The following HMGN5 variants were observed in gnomAD, a reference collection of about 807,000 sequenced individuals.
The protein encoded by HMGN5 is high mobility group nucleosome-binding domain-containing protein 5.
HMGN5 carries 4 observed loss-of-function variants against 9.5 expected under a neutral mutation model. The ratio of observed to expected loss-of-function variants is 0.42; its 90% CI spans 0.21 to 0.96. The LOEUF is 0.96. Ranked by LOEUF, HMGN5 falls within the 40% of genes least tolerant of loss-of-function variation. HMGN5 has a pLI of 0.30. For synonymous variants in HMGN5, 55 were observed against 57.1 expected, an observed-to-expected ratio of 0.96 and a Z score of 0.16; for missense variants, 192 against 187.5, an observed-to-expected ratio of 1.02 and a Z score of -0.14.
chrX:81,120,245 A>G (rs2075265095), intron 2 of HMGN5, among the ~76,000 whole-genome samples: 1 of 111,589 alleles, frequency 9.0e-6, no homozygotes, highest in African/African-American at 3.3e-5. Context: ...CTGATTCTGG[A>G]CTATTTTCTC....
intron 1 of HMGN5, among the ~76,000 whole-genome samples, chrX:81,145,936 C>A (rs751169717): frequency 1.8e-5 from 2 of 111,497 alleles, no homozygotes; most frequent in East Asian, 5.7e-4. Context: ...GGGATAAATG[C>A]AACAAGAAGA....
intron 1 of HMGN5, among the ~76,000 whole-genome samples, chrX:81,146,035 T>C (rs1453047000): frequency 9.0e-6 from 1 of 110,814 alleles, no homozygotes; most frequent in Non-Finnish European, 1.9e-5. Flanking sequence ...AGACTTAGAC[T>C]CTCACACAAT....
At chrX:81,118,632 A>C (rs2075260796) in intron 4 of HMGN5, 98 bp downstream of exon 4, 1 of 892,173 alleles carries the variant, frequency 1.1e-6, no homozygotes, top group Admixed American at 3.2e-5. Flanking sequence ...TTTTCTTAAA[A>C]CTTCAAAAAT....
chrX:81,138,995 A>G (rs1324711582), intron 1 of HMGN5, among the ~76,000 whole-genome samples: 1 of 112,223 alleles, frequency 8.9e-6, no homozygotes, highest in Non-Finnish European at 1.9e-5. Flanking sequence ...GGAGAGACAT[A>G]TCACGCTCAC....
chrX:81,153,196 C>G (rs910863001), intron 1 of HMGN5, among the ~76,000 whole-genome samples: 1 of 108,193 alleles, frequency 9.2e-6, no homozygotes, highest in Non-Finnish European at 1.9e-5. Flanking sequence ...AGGCCAATAT[C>G]TCTCTTGAAT....
chrX:81,164,800 T>C (rs779766778), intron 1 of HMGN5, among the ~76,000 whole-genome samples: 83 of 111,442 alleles, frequency 7.4e-4, no homozygotes, highest in Non-Finnish European at 3.2e-4. Flanking sequence ...AAGTAAAGCC[T>C]TCTGTAACCC....
At chrX:81,166,369 T>C (rs2075411373) in intron 1 of HMGN5, among the ~76,000 whole-genome samples, 1 of 111,784 alleles carries the variant, frequency 8.9e-6, no homozygotes, top group Non-Finnish European at 1.9e-5. Flanking sequence ...TTACTACATA[T>C]GTATACTTTC....
chrX:81,142,295 G>T (rs1037630470), intron 1 of HMGN5, among the ~76,000 whole-genome samples: 6 of 111,442 alleles, frequency 5.4e-5, no homozygotes, highest in African/African-American at 2.0e-4. Flanking sequence ...GTAGAAAATT[G>T]ATTCAAAGGG....
intron 1 of HMGN5, among the ~76,000 whole-genome samples, chrX:81,152,130 C>T (rs2075364735): frequency 9.0e-6 from 1 of 111,318 alleles, no homozygotes; most frequent in Non-Finnish European, 1.9e-5. Context: ...CAACAAAAGC[C>T]AAAATTCACA....
chrX:81,150,424 G>A (rs1395924211), intron 1 of HMGN5, among the ~76,000 whole-genome samples: 1 of 110,520 alleles, frequency 9.0e-6, no homozygotes, highest in Non-Finnish European at 1.9e-5. Context: ...AATTAGCTGG[G>A]CATGGTGGCG....
chrX:81,178,365 G>C (rs755355747), intron 1 of HMGN5, among the ~76,000 whole-genome samples: 2 of 110,770 alleles, frequency 1.8e-5, no homozygotes, highest in African/African-American at 6.6e-5. Context: ...CAATAAAAAA[G>C]GATAAAGGGG....
intron 1 of HMGN5, among the ~76,000 whole-genome samples, chrX:81,166,358 G>A (rs1465821914): frequency 9.0e-6 from 1 of 111,428 alleles, no homozygotes; most frequent in African/African-American, 3.3e-5. Flanking sequence ...GATTATCATA[G>A]TTACTACATA....
At chrX:81,146,295 G>C (rs189011165) in intron 1 of HMGN5, among the ~76,000 whole-genome samples, 445 of 110,960 alleles carry the variant, frequency 4.0e-3, no homozygotes, top group Middle Eastern at 9.3e-3. Context: ...AATCATAACA[G>C]TCTCTCAGAC....
chrX:81,194,173 A>T (rs1449103288), intron 1 of HMGN5, among the ~76,000 whole-genome samples: 1 of 112,075 alleles, frequency 8.9e-6, no homozygotes, highest in African/African-American at 3.2e-5. Context: ...AATCAATTCC[A>T]GGTGGAATGT....
intron 1 of HMGN5, among the ~76,000 whole-genome samples, chrX:81,187,241 T>C (rs757202310): frequency 9.0e-6 from 1 of 111,619 alleles, no homozygotes; most frequent in Non-Finnish European, 1.9e-5. Flanking sequence ...TTATTTCTAA[T>C]GTTGCTTTGT....
intron 1 of HMGN5, among the ~76,000 whole-genome samples, chrX:81,130,576 T>G (rs761599906): frequency 2.0e-4 from 22 of 111,458 alleles, no homozygotes; most frequent in African/African-American, 6.2e-4. Context: ...TATAAAATTT[T>G]GCTAATGTAA....
At chrX:81,141,492 A>AGAAAGAG in intron 1 of HMGN5, among the ~76,000 whole-genome samples, 1 of 47,784 alleles carries the variant, frequency 2.1e-5, no homozygotes, top group African/African-American at 6.3e-5. Context: ...GAGAGAGAGA[A>AGAAAGAG]AGAGAGAGAG....
At chrX:81,166,819 C>A (rs990892008) in intron 1 of HMGN5, among the ~76,000 whole-genome samples, 4 of 111,299 alleles carry the variant, frequency 3.6e-5, no homozygotes, top group Admixed American at 2.9e-4. Context: ...TAGAAAGGTT[C>A]AAGCAAAGTC....
chrX:81,194,037 A>T (rs1010672240), intron 1 of HMGN5, among the ~76,000 whole-genome samples: 1 of 111,881 alleles, frequency 8.9e-6, no homozygotes, highest in Non-Finnish European at 1.9e-5. Flanking sequence ...TAATCATTTG[A>T]TTTTTGACAA....
Sources: allele counts gnomAD v4.1 joint callset (sites outside exome capture counted in the v4.1 genomes callset), GRCh38; gene constraint gnomAD v4.1.1; transcripts MANE v1.5; gene names NCBI Gene and HGNC (gene_info 2026-07-23, HGNC 2026-07-21).